The following TBC1D9 variants were observed in gnomAD, a reference collection of about 807,000 sequenced individuals.
TBC1D9 encodes TBC1 domain family member 9, also known as TBC1 domain family member 9A.
Under a neutral mutation model 132.0 loss-of-function variants are expected in TBC1D9, and 63 were observed. The observed-to-expected ratio is 0.48, with a 90% CI of 0.39 to 0.59. The LOEUF is 0.59. Among genes scored for constraint, TBC1D9 ranks in the 20% least tolerant of loss-of-function variants. The pLI is 0.00. For missense variants in TBC1D9, 1,261 were observed against 1,592.7 expected, an observed-to-expected ratio of 0.79 and a Z score of 3.54; for synonymous variants, 610 against 609.9, an observed-to-expected ratio of 1.00 and a Z score of 0.00.
chr4:140,709,417 G>C (rs990430120), intron 1 of TBC1D9, among the ~76,000 whole-genome samples: 39 of 151,052 alleles, frequency 2.6e-4, no homozygotes, highest in African/African-American at 9.2e-4. Flanking sequence ...GGACGGGGCT[G>C]AAAAAAATCA....
At chr4:140,701,688 A>G (rs1335283684) in intron 1 of TBC1D9, 74 bp from the exon 2 acceptor site, 13 of 1,149,252 alleles carry the variant, frequency 1.1e-5, no homozygotes, top group Non-Finnish European at 1.5e-5. Flanking sequence ...GGCAGCATGA[A>G]CATGCCCTTT....
At chr4:140,672,001 T>A (rs867415199) in intron 6 of TBC1D9, among the ~76,000 whole-genome samples, 68 of 152,224 alleles carry the variant, frequency 4.5e-4, no homozygotes, top group African/African-American at 1.6e-3. Context: ...ATGTGAAATA[T>A]ATTTCCTTCA....
At chr4:140,656,464 C>A (rs1223901462) in intron 13 of TBC1D9, among the ~76,000 whole-genome samples, 1 of 152,158 alleles carries the variant, frequency 6.6e-6, no homozygotes, top group Non-Finnish European at 1.5e-5. Context: ...TCTTCCTGCG[C>A]CCAGCTATCA....
At chr4:140,721,153 C>T (rs1024140537) in intron 1 of TBC1D9, among the ~76,000 whole-genome samples, 3 of 152,136 alleles carry the variant, frequency 2.0e-5, no homozygotes, top group Admixed American at 2.0e-4. Flanking sequence ...ACATGGTCTC[C>T]ATTTGCACTA....
At chr4:140,709,312 A>C (rs1738203624) in intron 1 of TBC1D9, among the ~76,000 whole-genome samples, 1 of 150,994 alleles carries the variant, frequency 6.6e-6, no homozygotes, top group African/African-American at 2.5e-5. Context: ...TTGTTCGTCA[A>C]AAGATGAATT....
chr4:140,643,781 G>GGGCTCGGTGCAGCCC (rs1737051684), intron 13 of TBC1D9: 2 of 927,026 alleles, frequency 2.2e-6, no homozygotes, highest in Admixed American at 2.1e-5. Context: ...GGCACTCAGA[G>GGGCTCGGTGCAGCCC]GGCTCGGTGC....
At chr4:140,729,811 T>A (rs970259392) in intron 1 of TBC1D9, among the ~76,000 whole-genome samples, 1 of 80,556 alleles carries the variant, frequency 1.2e-5, no homozygotes, top group Non-Finnish European at 2.1e-5. Context: ...AGAGCAAGAT[T>A]CCATCTCAAA....
intron 1 of TBC1D9, among the ~76,000 whole-genome samples, chr4:140,734,022 A>G (rs28405058): frequency 0.3 from 45,675 of 151,638 alleles, 7,420 homozygotes; most frequent in East Asian, 0.56. Flanking sequence ...CATGTATACT[A>G]TCCTTACATG....
At chr4:140,705,008 A>G (rs142678521) in intron 1 of TBC1D9, among the ~76,000 whole-genome samples, 1 of 152,376 alleles carries the variant, frequency 6.6e-6, no homozygotes, top group East Asian at 1.9e-4. Context: ...TAATATCAGG[A>G]TATTCACATT....
rs1323344174 is a variant in TBC1D9 at position 140,623,994 on chromosome 4, TAAGTA to T, written c.3078+117_3078+121del. 10 of 719,790 alleles carry T rather than the reference TAAGTA, an allele frequency of 1.4e-5. No individual in the cohort carries two copies. In the African/African-American group the frequency reaches 1.5e-4, roughly 11 times the overall value. The allele number at this position is 719,790 out of a possible 1,614,324, so 44.6% of individuals were successfully genotyped here. ...GCACAAAATAGGTCCAAATGGATAC[TAAGTA>T]AAGGCCCCAGTTATTATTTTTGATG... On this transcript the variant is annotated intron_variant, in intron 20 of 20. Coordinates refer to ENST00000442267, the MANE Select transcript of TBC1D9 (RefSeq NM_015130.3).
At chr4:140,745,665 T>C (rs1738826114) in intron 1 of TBC1D9, among the ~76,000 whole-genome samples, 2 of 152,204 alleles carry the variant, frequency 1.3e-5, no homozygotes, top group South Asian at 4.1e-4. Flanking sequence ...TGTAATCAAC[T>C]GTTAATGTTA....
intron 13 of TBC1D9, chr4:140,643,768 C>A: frequency 9.7e-7 from 1 of 1,035,788 alleles, no homozygotes; most frequent in Non-Finnish European, 1.4e-6. Flanking sequence ...TCCGCAAAGT[C>A]TGGGCACTCA....
intron 10 of TBC1D9, among the ~76,000 whole-genome samples, chr4:140,660,424 G>C (rs150716773): frequency 2.6e-5 from 4 of 152,156 alleles, no homozygotes; most frequent in African/African-American, 9.7e-5. Flanking sequence ...CCCAGAAACC[G>C]GTAACTGTTC....
At chr4:140,663,806 A>C (rs1011732941) in intron 9 of TBC1D9, among the ~76,000 whole-genome samples, 9 of 152,106 alleles carry the variant, frequency 5.9e-5, no homozygotes, top group African/African-American at 2.2e-4. Flanking sequence ...CAAGTAATAC[A>C]TGTTCTCAGT....
rs1459109735 is a variant in TBC1D9, at chr4:140,623,331, G to T, written c.3079-414C>A. On this transcript the variant is annotated intron_variant, in intron 20 of 20. Transcript: ENST00000442267. Reference sequence around the variant, plus strand: ...GATCCTCCTGCCTTGGCCTCCCAAAGTGCTGGAATTACAGGTGTGAGCCAC... The same window carrying T: ...GATCCTCCTGCCTTGGCCTCCCAAATTGCTGGAATTACAGGTGTGAGCCAC... Among the ~76,000 whole-genome samples, 5 of 152,252 alleles carry T rather than the reference G, an allele frequency of 3.3e-5. No individual in the cohort carries two copies. In the East Asian group the frequency reaches 9.7e-4, roughly 29 times the overall value.
At chr4:140,700,444 C>T (rs1379683480) in intron 2 of TBC1D9, among the ~76,000 whole-genome samples, 7 of 148,964 alleles carry the variant, frequency 4.7e-5, no homozygotes, top group African/African-American at 1.0e-4. Context: ...AGCAAGACTC[C>T]GTCCCAAAAA....
chr4:140,691,109 C>T (rs1034553110), intron 2 of TBC1D9, among the ~76,000 whole-genome samples: 2 of 152,086 alleles, frequency 1.3e-5, no homozygotes, highest in East Asian at 1.9e-4. Context: ...ACTAAAAGTA[C>T]GAGGATACTG....
rs566217097 is a variant in TBC1D9, at chr4:140,725,067, C to T, written c.131-23453G>A. ...CGATTTCACTTGTTGAAATTTTTTC[C>T]ACAAATATATTTCACAATTAGCCAA... On this transcript the variant is annotated intron_variant, in intron 1 of 20. Transcript: ENST00000442267. Among the ~76,000 whole-genome samples the T allele has an allele frequency of 2.0e-5, 3 of 152,130 alleles. No individual in the cohort carries two copies. The South Asian group carries it at 6.2e-4, about 32-fold the overall frequency.
rs59794272 is a variant in TBC1D9 at position 140,750,159 on chromosome 4, T to TAA, written c.130+5755_130+5756dup. Among the ~76,000 whole-genome samples the TAA allele has an allele frequency of 1.7e-4, 26 of 148,660 alleles. 1 individual carries two copies. Among genetic ancestry groups the TAA allele is most frequent in the East Asian group, 5.9e-4 (3 of 5,098 alleles). ...GAAAACAGGCAAGGAGAACAAAAAT[T>TAA]AAAAAAAAAAAATTTTACAAAAATC... On this transcript the variant is annotated intron_variant, in intron 1 of 20. Coordinates refer to ENST00000442267, the MANE Select transcript of TBC1D9 (RefSeq NM_015130.3).
Sources: allele counts gnomAD v4.1 joint callset (sites outside exome capture counted in the v4.1 genomes callset), GRCh38; gene constraint gnomAD v4.1.1; transcripts MANE v1.5; gene names NCBI Gene and HGNC (gene_info 2026-07-23, HGNC 2026-07-21).